The following HDAC4 variants were observed in gnomAD, a reference collection of about 807,000 sequenced individuals.
The protein encoded by HDAC4 is histone deacetylase 4, also known as histone deacetylase A.
Under a neutral mutation model 135.1 loss-of-function variants are expected in HDAC4, and 16 were observed. The observed-to-expected ratio is 0.12, with a 90% CI of 0.08 to 0.18. The LOEUF (loss-of-function observed/expected upper bound fraction) is 0.18. HDAC4 is among the 10% of genes least tolerant of loss of function. The probability of loss-of-function intolerance (pLI) is 1.00; values close to 1 mark genes in which losing one functional copy is unlikely to be tolerated. For synonymous variants in HDAC4, 685 were observed against 653.4 expected (o/e 1.05, Z -0.74); for missense variants, 1,143 against 1,511.8 (o/e 0.76, Z 4.05).
At chr2:239,160,197 T>C (rs1029651681) in intron 6 of HDAC4, among the ~76,000 whole-genome samples, 1 of 152,250 alleles carries the variant, frequency 6.6e-6, no homozygotes, top group Non-Finnish European at 1.5e-5. Flanking sequence ...GAATTAATTT[T>C]AGTATTCGAT....
At chr2:239,312,784 T>C (rs2052946299) in intron 2 of HDAC4, among the ~76,000 whole-genome samples, 1 of 152,186 alleles carries the variant, frequency 6.6e-6, no homozygotes, top group Non-Finnish European at 1.5e-5. Flanking sequence ...AATGTGGTGG[T>C]GGCCCAGCTG....
intron 3 of HDAC4, among the ~76,000 whole-genome samples, chr2:239,192,537 G>A (rs1464528325): frequency 2.0e-5 from 3 of 152,210 alleles, no homozygotes; most frequent in African/African-American, 7.2e-5. Context: ...AGAGAACGGG[G>A]CCTGGCTTCT....
intron 26 of HDAC4, 68 bp from the exon 27 acceptor site, chr2:239,053,204 A>G: frequency 1.3e-6 from 2 of 1,592,394 alleles, no homozygotes; most frequent in South Asian, 2.2e-5. Flanking sequence ...AGAGAACAGA[A>G]CGTGGGTTAA....
At chr2:239,325,609 C>T (rs577421625) in intron 2 of HDAC4, among the ~76,000 whole-genome samples, 36 of 152,166 alleles carry the variant, frequency 2.4e-4, no homozygotes, top group Non-Finnish European at 3.7e-4. Flanking sequence ...AACCCTCATA[C>T]GTGGTGGGCA....
At chr2:239,380,192 TAAG>T (rs1695316790) in intron 1 of HDAC4, among the ~76,000 whole-genome samples, 1 of 152,202 alleles carries the variant, frequency 6.6e-6, no homozygotes, top group African/African-American at 2.4e-5. Flanking sequence ...ACCAGAGGAA[TAAG>T]AAGAAATCCC....
intron 4 of HDAC4, among the ~76,000 whole-genome samples, 170 bp from the exon 5 acceptor site, chr2:239,176,733 G>A (rs574568374): frequency 6.6e-6 from 1 of 152,132 alleles, no homozygotes; most frequent in Non-Finnish European, 1.5e-5. Context: ...AAGAAGTCAG[G>A]GCCATTCCGG....
intron 2 of HDAC4, among the ~76,000 whole-genome samples, chr2:239,310,848 T>C (rs957763804): frequency 2.0e-5 from 3 of 152,176 alleles, no homozygotes; most frequent in Non-Finnish European, 2.9e-5. Flanking sequence ...ACCCTTCCAC[T>C]GGCCTGACAC....
intron 7 of HDAC4, among the ~76,000 whole-genome samples, chr2:239,150,939 GTAC>G (rs2042084784): frequency 6.6e-6 from 1 of 152,164 alleles, no homozygotes; most frequent in South Asian, 2.1e-4. Flanking sequence ...CCTGAAGTAT[GTAC>G]TACATTACAC....
intron 1 of HDAC4, among the ~76,000 whole-genome samples, chr2:239,354,647 C>T (rs898616229): frequency 6.6e-6 from 1 of 150,708 alleles, no homozygotes; most frequent in African/African-American, 2.4e-5. Context: ...GAATCACCCC[C>T]GCCCCCAAGG....
intron 17 of HDAC4, among the ~76,000 whole-genome samples, chr2:239,090,341 T>C (rs1261757473): frequency 6.6e-6 from 1 of 152,066 alleles, no homozygotes; most frequent in Non-Finnish European, 1.5e-5. Flanking sequence ...AAGATGCATG[T>C]GTCCTGACCT....
chr2:239,127,966 T>C (rs1009508223), intron 11 of HDAC4, among the ~76,000 whole-genome samples: 2 of 152,210 alleles, frequency 1.3e-5, no homozygotes, highest in African/African-American at 4.8e-5. Context: ...GGGCTATTTC[T>C]AAATTTAAGA....
intron 2 of HDAC4, among the ~76,000 whole-genome samples, chr2:239,336,247 G>A (rs1267544906): frequency 1.3e-5 from 2 of 152,166 alleles, no homozygotes; most frequent in East Asian, 1.9e-4. Flanking sequence ...GGACATATAC[G>A]GGGCTTCTGG....
At chr2:239,222,922 C>T (rs1229785834) in intron 3 of HDAC4, among the ~76,000 whole-genome samples, 1 of 152,190 alleles carries the variant, frequency 6.6e-6, no homozygotes, top group Non-Finnish European at 1.5e-5. Flanking sequence ...TGGAACACCA[C>T]CACCTCCCTG....
chr2:239,131,048 ACT>A (rs932456179), intron 11 of HDAC4, among the ~76,000 whole-genome samples: 5 of 152,144 alleles, frequency 3.3e-5, no homozygotes, highest in Non-Finnish European at 7.4e-5. Flanking sequence ...TGTACCAGAC[ACT>A]CTGCAAAGAT....
At chr2:239,125,843 G>C (rs2040146697) in intron 12 of HDAC4, among the ~76,000 whole-genome samples, 1 of 152,238 alleles carries the variant, frequency 6.6e-6, no homozygotes, top group Admixed American at 6.5e-5. Context: ...GACCTCTGTG[G>C]GCTGGCCGGG....
intron 17 of HDAC4, chr2:239,094,285 A>T (rs778736163): frequency 1.0e-6 from 1 of 985,328 alleles, no homozygotes; most frequent in East Asian, 1.1e-4. Context: ...GGGCCAGGGG[A>T]GAACTCTTTT....
intron 3 of HDAC4, among the ~76,000 whole-genome samples, chr2:239,191,807 G>A (rs969787932): frequency 6.6e-6 from 1 of 152,200 alleles, no homozygotes; most frequent in Non-Finnish European, 1.5e-5. Flanking sequence ...AACCTGAGGA[G>A]TGCCCAGGCC....
At chr2:239,094,455 G>C (rs2036810697) in intron 17 of HDAC4, 1 of 983,654 alleles carries the variant, frequency 1.0e-6, no homozygotes, top group Non-Finnish European at 1.2e-6. Context: ...GCCCAGGCCA[G>C]GTCCATATCA....
intron 22 of HDAC4, among the ~76,000 whole-genome samples, chr2:239,074,583 A>C (rs927505978): frequency 2.0e-5 from 3 of 152,242 alleles, no homozygotes; most frequent in Non-Finnish European, 2.9e-5. Flanking sequence ...GCACAGTCGG[A>C]TGCACGTGCC....
Sources: allele counts gnomAD v4.1 joint callset (sites outside exome capture counted in the v4.1 genomes callset), GRCh38; gene constraint gnomAD v4.1.1; transcripts MANE v1.5; gene names NCBI Gene and HGNC (gene_info 2026-07-23, HGNC 2026-07-21).